The following FOXO1 variants were observed in gnomAD, a reference collection of about 807,000 sequenced individuals.
FOXO1 encodes the protein forkhead box O1, also known as forkhead box protein O1.
A neutral mutation model predicts 44.1 loss-of-function variants in FOXO1; 6 were observed. The ratio of observed to expected loss-of-function variants is 0.14; its 90% CI spans 0.07 to 0.27. The LOEUF (loss-of-function observed/expected upper bound fraction) is 0.27. Among genes scored for constraint, FOXO1 ranks in the 10% least tolerant of loss-of-function variants. The pLI is 1.00. For missense variants in FOXO1, 737 were observed against 888.8 expected (o/e 0.83, Z 2.17); for synonymous variants, 380 against 362.7 (o/e 1.05, Z -0.54).
intron 1 of FOXO1, among the ~76,000 whole-genome samples, chr13:40,660,926 AGAGT>A (rs1878013612): frequency 6.6e-6 from 1 of 151,084 alleles, no homozygotes; most frequent in South Asian, 2.1e-4. Context: ...CCTGGGCAAC[AGAGT>A]GAGACCCTGG....
chr13:40,655,179 T>C (rs1475287227), intron 1 of FOXO1, among the ~76,000 whole-genome samples: 1 of 151,764 alleles, frequency 6.6e-6, no homozygotes, highest in Non-Finnish European at 1.5e-5. Flanking sequence ...CTACTAAAAA[T>C]ACAAAAATTA....
At position 40,560,321 on chromosome 13, in the gene FOXO1, C is replaced by T. The variant is rs186538687; in HGVS notation, c.1170G>A (p.Ser390=). ...TCATGGTGCCAGGTGAGGACTGGGT[C>T]GAAACAGTTAATGATGTTGGTGATG... The part of the protein sequence containing the change: ...LLSSPTSLTV[S]TQSSPGTMMQ... The change falls in exon 2 of 3, where the codon TCG becomes TCA. Residue 390 remains serine (S), a synonymous_variant. Transcript: ENST00000379561. The surrounding 1 kb of genome is among the most constrained non-coding windows in gnomAD (Gnocchi z 5.1). 1.4e-5 allele frequency: 23 copies of T among 1,613,890 alleles called. No homozygotes were observed. The East Asian group carries it at 3.6e-4, about 25-fold the overall frequency.
chr13:40,624,318 A>T (rs67979400), intron 1 of FOXO1, among the ~76,000 whole-genome samples: 38 of 26,274 alleles, frequency 1.4e-3, no homozygotes, highest in East Asian at 8.8e-3. Context: ...AATACTGCTT[A>T]AAAAAAAAAA....
chr13:40,595,005 G>A (rs916131440), intron 1 of FOXO1, among the ~76,000 whole-genome samples: 19 of 152,122 alleles, frequency 1.2e-4, no homozygotes, highest in Non-Finnish European at 2.4e-4. Context: ...CTTTATATAT[G>A]CTTATTTGGT....
Position 40,630,598 on chromosome 13 carries a change from T to C in FOXO1, c.630+34985A>G, listed in dbSNP as rs1376656801. Reference sequence around the variant, plus strand: ...TGAACCCAAGAGGTGGAGGTTGGGGTGGGCCGAGATCGCGCCACTGCACTC... The same window carrying C: ...TGAACCCAAGAGGTGGAGGTTGGGGCGGGCCGAGATCGCGCCACTGCACTC... On this transcript the variant is annotated intron_variant, in intron 1 of 2. Transcript: ENST00000379561. Among the ~76,000 whole-genome samples the C allele has an allele frequency of 4.0e-5, 6 of 149,320 alleles. No homozygotes were observed. The South Asian group carries it at 8.5e-4, about 21-fold the overall frequency.
chr13:40,615,379 A>C (rs1876384423), intron 1 of FOXO1, among the ~76,000 whole-genome samples: 1 of 152,122 alleles, frequency 6.6e-6, no homozygotes, highest in Non-Finnish European at 1.5e-5. Flanking sequence ...TCTACTAAAA[A>C]TACAATTTAA....
chr13:40,605,501 C>G (rs780879384), intron 1 of FOXO1, among the ~76,000 whole-genome samples: 1 of 152,158 alleles, frequency 6.6e-6, no homozygotes, highest in South Asian at 2.1e-4. Flanking sequence ...AATTCTCCAG[C>G]CTTAACTCCA....
At chr13:40,636,290 A>G (rs1230047906) in intron 1 of FOXO1, among the ~76,000 whole-genome samples, 2 of 152,116 alleles carry the variant, frequency 1.3e-5, no homozygotes, top group African/African-American at 4.8e-5. Context: ...AACCTCAAAC[A>G]AGGTAGGGTC....
At chr13:40,643,658 G>A (rs983796028) in intron 1 of FOXO1, among the ~76,000 whole-genome samples, 47 of 151,858 alleles carry the variant, frequency 3.1e-4, no homozygotes, top group Non-Finnish European at 6.2e-4. Flanking sequence ...AGGTCTAAAG[G>A]TTTTGATTCT....
At chr13:40,588,612 G>A (rs186540799) in intron 1 of FOXO1, among the ~76,000 whole-genome samples, 1 of 152,224 alleles carries the variant, frequency 6.6e-6, no homozygotes, top group African/African-American at 2.4e-5. Context: ...CAGGGGCTGG[G>A]AAGCACTATG....
intron 1 of FOXO1, among the ~76,000 whole-genome samples, chr13:40,632,650 G>GA (rs990481663): frequency 2.0e-5 from 3 of 149,050 alleles, no homozygotes; most frequent in East Asian, 2.0e-4. Context: ...AAAAAGAAAA[G>GA]AAAAAAAAAG....
At chr13:40,562,055 A>G (rs1874047587) in intron 1 of FOXO1, among the ~76,000 whole-genome samples, 1 of 152,214 alleles carries the variant, frequency 6.6e-6, no homozygotes, top group Non-Finnish European at 1.5e-5. Context: ...TTAAGCAAAT[A>G]CAAGTGAATG....
At chr13:40,615,634 CAAT>C (rs1052567026) in intron 1 of FOXO1, among the ~76,000 whole-genome samples, 5 of 152,042 alleles carry the variant, frequency 3.3e-5, no homozygotes, top group African/African-American at 4.8e-5. Flanking sequence ...TGATTATCAA[CAAT>C]GAGGTCAAGG....
At chr13:40,567,464 G>T (rs1874313677) in intron 1 of FOXO1, among the ~76,000 whole-genome samples, 1 of 152,052 alleles carries the variant, frequency 6.6e-6, no homozygotes, top group South Asian at 2.1e-4. Context: ...CTCAGAAAAT[G>T]ATCTGTCCAG....
intron 1 of FOXO1, among the ~76,000 whole-genome samples, chr13:40,601,674 G>A (rs1180048910): frequency 2.0e-5 from 3 of 152,092 alleles, no homozygotes; most frequent in Non-Finnish European, 4.4e-5. Flanking sequence ...GTGATTAAAT[G>A]GGTTTTTTGG....
intron 1 of FOXO1, among the ~76,000 whole-genome samples, chr13:40,602,618 G>A (rs749531668): frequency 7.9e-5 from 12 of 152,142 alleles, no homozygotes; most frequent in African/African-American, 7.2e-5. Context: ...CTTAATGCTC[G>A]TGTTTTTCTA....
intron 1 of FOXO1, among the ~76,000 whole-genome samples, chr13:40,625,905 G>A (rs1228469926): frequency 6.6e-6 from 1 of 152,280 alleles, no homozygotes; most frequent in East Asian, 1.9e-4. Context: ...TCAAACAAAA[G>A]AGTTTTAAAT....
At chr13:40,576,802 T>C (rs918920554) in intron 1 of FOXO1, among the ~76,000 whole-genome samples, 2 of 152,212 alleles carry the variant, frequency 1.3e-5, no homozygotes, top group African/African-American at 4.8e-5. Flanking sequence ...AAAACAGATT[T>C]TAAAAGTCTC....
intron 1 of FOXO1, among the ~76,000 whole-genome samples, chr13:40,581,037 A>C (rs1217907164): frequency 6.6e-6 from 1 of 152,238 alleles, no homozygotes; most frequent in Non-Finnish European, 1.5e-5. Context: ...CAAGAGACGG[A>C]GTTGAGATAA....
Sources: gnomAD v4.1 joint callset for allele counts (sites outside exome capture counted in the v4.1 genomes callset) on GRCh38, gnomAD v4.1.1 for gene constraint, Gnocchi (gnomAD v3.1) non-coding constraint, MANE v1.5 for transcripts, NCBI Gene and HGNC (gene_info 2026-07-23, HGNC 2026-07-21) for gene names.